The following MEX3B variants were observed in gnomAD, a reference collection of about 807,000 sequenced individuals.
The protein encoded by MEX3B is RNA-binding protein MEX3B.
A neutral mutation model predicts 12.2 loss-of-function variants in MEX3B; 10 were observed. That is an observed-to-expected ratio of 0.82 (90% CI 0.51 to 1.40). The LOEUF (loss-of-function observed/expected upper bound fraction) is 1.40. MEX3B is among the 40% of genes most tolerant of loss of function. The pLI is 0.00. For synonymous variants in MEX3B, 498 were observed against 356.3 expected, an observed-to-expected ratio of 1.40 and a Z score of -4.48; for missense variants, 839 against 801.4, an observed-to-expected ratio of 1.05 and a Z score of -0.57.
rs1185388924 is a variant in MEX3B, at chr15:82,044,686, G to A, written c.257-73C>T. On this transcript the variant is annotated intron_variant, in intron 1 of 1. Coordinates refer to ENST00000329713, the MANE Select transcript of MEX3B (RefSeq NM_032246.6). This position sits in a 1 kb window ranked among gnomAD's most constrained non-coding sequence, Gnocchi z 5.3. Reference sequence around the variant, plus strand: ...GCCCATTATCCTGGGGTAACCGCGGGGACCGGGGACAGCCCGCGTCCAGGA... The same window carrying A: ...GCCCATTATCCTGGGGTAACCGCGGAGACCGGGGACAGCCCGCGTCCAGGA... 3.4e-6 allele frequency: 5 copies of A among 1,478,446 alleles called. No individual in the cohort carries two copies. The African/African-American group carries it at 5.5e-5, about 16-fold the overall frequency. 91.6% of individuals were successfully genotyped at this position (1,478,446 alleles called of 1,614,324 possible). A position where few individuals can be genotyped will look rare whatever the true frequency, so the allele number is the denominator to read the frequency against.
rs1035963037 is a variant in MEX3B, at chr15:82,043,280, C to G, written c.1590G>C (p.Leu530=). 2.5e-6 allele frequency: 4 copies of G among 1,612,084 alleles called. No homozygotes were observed. Among genetic ancestry groups the G allele is most frequent in the South Asian group, 1.1e-5 (1 of 90,880 alleles). Reference sequence around the variant, plus strand: ...AGAAGAGGTTGTGGCCACAGGGCACCAGCGCGGCAATCACTTCGCTCTCGA... The same window carrying G: ...AGAAGAGGTTGTGGCCACAGGGCACGAGCGCGGCAATCACTTCGCTCTCGA... ...VCFESEVIAA[L]VPCGHNLFCM... is the part of the protein sequence containing the mutation. The change falls in exon 2 of 2, where the codon CTG becomes CTC. Residue 530 remains leucine (L), a synonymous_variant. Transcript: ENST00000329713.
rs2073241709 is a variant in MEX3B at position 82,044,207 on chromosome 15, A to C, written c.663T>G (p.Ile221Met). Residue 221 changes from isoleucine to methionine, a missense_variant, in exon 2 of 2, where the codon ATT becomes ATG. Physicochemically the swap from Ile to Met is conservative, Grantham distance 10. This residue lies in a region of MEX3B where 573 missense variants were observed against 488.9 expected (regional missense o/e 1.17). Coordinates refer to ENST00000329713, the MANE Select transcript of MEX3B (RefSeq NM_032246.6). This position sits in a 1 kb window ranked among gnomAD's most constrained non-coding sequence, Gnocchi z 5.3. ...PENVDRAREE[I>M]EAHIALRTGG... ...CGGTACGCAGAGCAATGTGCGCCTC[A>C]ATCTCCTCTCGAGCGCGATCCACGT... 6.2e-7 allele frequency: 1 copy of C among 1,614,050 alleles called. No homozygotes were observed. Among genetic ancestry groups the C allele is most frequent in the Non-Finnish European group, 8.5e-7 (1 of 1,180,032 alleles).
chr15:82,044,258 C>T lies in MEX3B; in HGVS notation c.612G>A (p.Val204=). 6.2e-7 allele frequency: 1 copy of T among 1,614,006 alleles called. No individual in the cohort carries two copies. Among genetic ancestry groups the T allele is most frequent in the South Asian group, 1.1e-5 (1 of 91,080 alleles). Residue 204 remains valine, a synonymous_variant, in exon 2 of 2, where the codon GTG becomes GTA. Transcript: ENST00000329713. This position sits in a 1 kb window ranked among gnomAD's most constrained non-coding sequence, Gnocchi z 5.3. Reference sequence around the variant, plus strand: ...TCTCTGGCATGCCGGTCACCTCGAACACCGGCTCCTTATCCCGGCTGGGCG... The same window carrying T: ...TCTCTGGCATGCCGGTCACCTCGAATACCGGCTCCTTATCCCGGCTGGGCG... ...IVTPSRDKEP[V]FEVTGMPENV...
rs1477856635 is a variant in MEX3B, at chr15:82,045,672, T to C, written c.34A>G (p.Asn12Asp). The change falls in exon 1 of 2, where the codon AAC (asparagine) becomes GAC (aspartate). Residue 12 changes from asparagine to aspartate, a missense_variant. Physicochemically the swap from Asn to Asp is conservative, Grantham distance 23. This residue lies in a region of MEX3B where 214 missense variants were observed against 223.8 expected (regional missense o/e 0.96). Coordinates refer to ENST00000329713, the MANE Select transcript of MEX3B (RefSeq NM_032246.6). Reference protein sequence around the residue: ...PSSLFADLERNGSGGGGGGSS... With the variant: ...PSSLFADLERDGSGGGGGGSS... The stretch of plus-strand genomic sequence containing the variant: ...CCGCCGCCGCCGCCGCCGCTGCCGT[T>C]GCGCTCCAGGTCTGCGAACAGCGAG... 2 of 1,550,610 alleles carry C rather than the reference T, an allele frequency of 1.3e-6. No individual in the cohort carries two copies. Among genetic ancestry groups the C allele is most frequent in the African/African-American group, 1.4e-5 (1 of 73,598 alleles).
In MEX3B at chr15:82,045,763, G is replaced by A. The variant is rs2073254753; in HGVS notation, c.-58C>T. ...CCTCGGCTCGGCGGCGAGAAGCTGC[G>A]GCCACAAAGGCAGCCGGGAAGCGGG... On this transcript the variant is annotated 5_prime_UTR_variant, in exon 1 of 2. Transcript: ENST00000329713. The A allele has an allele frequency of 1.4e-5, 18 of 1,312,340 alleles. No homozygotes were observed. Among genetic ancestry groups the A allele is most frequent in the Non-Finnish European group, 1.6e-5 (17 of 1,039,080 alleles). 81.3% of individuals were successfully genotyped at this position (1,312,340 alleles called of 1,614,324 possible). A position where few individuals can be genotyped will look rare whatever the true frequency, so the allele number is the denominator to read the frequency against.
intron 1 of MEX3B, chr15:82,045,161 A>C (rs2073248780): frequency 3.3e-6 from 2 of 612,738 alleles, no homozygotes; most frequent in African/African-American, 3.7e-5. Flanking sequence ...TCCCCCAAGC[A>C]TCTTACATTT....
chr15:82,043,432 C>T lies in MEX3B; in HGVS notation c.1438G>A (p.Ala480Thr), dbSNP rs760064352. ...AYAAYANGLG[A>T]QLPGLQPSDT... The stretch of plus-strand genomic sequence containing the variant: ...GACGGCTGCAAGCCAGGCAGCTGTG[C>T]CCCCAGCCCGTTGGCATAAGCGGCG... Residue 480 changes from alanine (A) to threonine (T), a missense_variant, in exon 2 of 2, where the codon GCA becomes ACA. By Grantham distance (58) the Ala-to-Thr change is moderately conservative. This residue lies in a region of MEX3B where 573 missense variants were observed against 488.9 expected (regional missense o/e 1.17). Coordinates refer to ENST00000329713, the MANE Select transcript of MEX3B (RefSeq NM_032246.6). The T allele has an allele frequency of 2.6e-6, 4 of 1,564,780 alleles. No homozygotes were observed. The South Asian group carries it at 3.5e-5, about 14-fold the overall frequency.
chr15:82,043,684 A>T lies in MEX3B; in HGVS notation c.1186T>A (p.Cys396Ser). The T allele has an allele frequency of 6.2e-7, 1 of 1,607,958 alleles. No homozygotes were observed. Among genetic ancestry groups the T allele is most frequent in the South Asian group, 1.1e-5 (1 of 90,250 alleles). The change falls in exon 2 of 2, where the codon TGC (cysteine) becomes AGC (serine). Residue 396 changes from cysteine (C) to serine (S), a missense_variant. This residue lies in a region of MEX3B where 573 missense variants were observed against 488.9 expected (regional missense o/e 1.17). Transcript: ENST00000329713. ...GGPAAPVSSSCSSSASSSASS... is the reference protein window; with the variant it reads ...GGPAAPVSSSSSSSASSSASS... ...GCAGACGAAGATGCAGAAGAAGAGCAGGAAGAAGATACCGGAGCTGCAGGT... is the reference window on the plus strand; with the variant it reads ...GCAGACGAAGATGCAGAAGAAGAGCTGGAAGAAGATACCGGAGCTGCAGGT...
At position 82,043,873 on chromosome 15, in the gene MEX3B, T is replaced by C. The variant is rs961515550; in HGVS notation, c.997A>G (p.Asn333Asp). Residue 333 changes from asparagine (N) to aspartate (D), a missense_variant, in exon 2 of 2, where the codon AAT becomes GAT. By Grantham distance (23) the Asn-to-Asp change is conservative (BLOSUM62 1). Coordinates refer to ENST00000329713, the MANE Select transcript of MEX3B (RefSeq NM_032246.6). ...PALSFAHNGN[N>D]NNNGNGYTYT... The stretch of plus-strand genomic sequence containing the variant: ...GTGTACCCATTGCCGTTATTGTTAT[T>C]GTTTCCGTTGTGCGCAAAGCTCAGG... 14 of 1,589,146 alleles carry C rather than the reference T, an allele frequency of 8.8e-6. No homozygotes were observed. Among genetic ancestry groups the C allele is most frequent in the Non-Finnish European group, 9.4e-6 (11 of 1,168,650 alleles).
Position 82,045,504 on chromosome 15 carries a change from C to T in MEX3B, c.202G>A (p.Glu68Lys). The T allele has an allele frequency of 6.2e-7, 1 of 1,612,772 alleles. No individual in the cohort carries two copies. The highest frequency in any genetic ancestry group is 8.5e-7 in the Non-Finnish European group (1 of 1,179,868). The change falls in exon 1 of 2, where the codon GAG (glutamate) becomes AAG (lysine). Residue 68 changes from glutamate to lysine, a missense_variant. Physicochemically the swap from Glu to Lys is moderately conservative, Grantham distance 56. Coordinates refer to ENST00000329713, the MANE Select transcript of MEX3B (RefSeq NM_032246.6). ...EPRKKSVNMT[E>K]CVPVPSSEHV... is the part of the protein sequence containing the mutation. ...TCAGAACTGGGTACTGGCACGCACT[C>T]GGTCATGTTCACGCTCTTCTTGCGC...
Position 82,043,676 on chromosome 15 carries a change from A to G in MEX3B, c.1194T>C (p.Ser398=). The change falls in exon 2 of 2, where the codon TCT becomes TCC. Residue 398 remains serine, a synonymous_variant. Coordinates refer to ENST00000329713, the MANE Select transcript of MEX3B (RefSeq NM_032246.6). ...PAAPVSSSCS[S]SASSSASSSS... is the part of the protein sequence containing the mutation. Reference sequence around the variant, plus strand: ...AGGAAGAAGCAGACGAAGATGCAGAAGAAGAGCAGGAAGAAGATACCGGAG... The same window carrying G: ...AGGAAGAAGCAGACGAAGATGCAGAGGAAGAGCAGGAAGAAGATACCGGAG... 1.9e-6 allele frequency: 3 copies of G among 1,609,926 alleles called. No individual in the cohort carries two copies. Among genetic ancestry groups the G allele is most frequent in the Non-Finnish European group, 2.5e-6 (3 of 1,178,056 alleles).
Position 82,044,212 on chromosome 15 carries a change from C to T in MEX3B, c.658G>A (p.Glu220Lys), listed in dbSNP as rs1466604121. 6.2e-7 allele frequency: 1 copy of T among 1,613,996 alleles called. No homozygotes were observed. Among genetic ancestry groups the T allele is most frequent in the Non-Finnish European group, 8.5e-7 (1 of 1,180,042 alleles). ...CGCAGAGCAATGTGCGCCTCAATCT[C>T]CTCTCGAGCGCGATCCACGTTCTCT... ...MPENVDRAREEIEAHIALRTG... is the reference protein window; with the variant it reads ...MPENVDRAREKIEAHIALRTG... The change falls in exon 2 of 2, where the codon GAG becomes AAG. Residue 220 changes from glutamate (E) to lysine (K), a missense_variant. Glu to Lys is a moderately conservative substitution (Grantham distance 56, BLOSUM62 1). Coordinates refer to ENST00000329713, the MANE Select transcript of MEX3B (RefSeq NM_032246.6). This position sits in a 1 kb window ranked among gnomAD's most constrained non-coding sequence, Gnocchi z 5.3.
Position 82,043,887 on chromosome 15 carries a change from G to C in MEX3B, c.983C>G (p.Ala328Gly). ...YSPPSPALSF[A>G]HNGNNNNNGN... ...GTTATTGTTATTGTTTCCGTTGTGC[G>C]CAAAGCTCAGGGCGGGGCTAGGGGG... The change falls in exon 2 of 2, where the codon GCG (alanine) becomes GGG (glycine). Residue 328 changes from alanine to glycine, a missense_variant. Around this residue, in one of 3 missense-constraint regions of MEX3B, gnomAD observed 573 missense variants for 488.9 expected, o/e 1.17. Transcript: ENST00000329713. 6.3e-7 allele frequency: 1 copy of C among 1,589,342 alleles called. No homozygotes were observed. Among genetic ancestry groups the C allele is most frequent in the Non-Finnish European group, 8.5e-7 (1 of 1,169,802 alleles).
Position 82,043,559 on chromosome 15 carries a change from G to C in MEX3B, c.1311C>G (p.Ser437Arg), listed in dbSNP as rs1362608419. 2 of 1,543,756 alleles carry C rather than the reference G, an allele frequency of 1.3e-6. No individual in the cohort carries two copies. The highest frequency in any genetic ancestry group is 1.2e-5 in the South Asian group (1 of 81,202). The change falls in exon 2 of 2, where the codon AGC (serine) becomes AGG (arginine). Residue 437 changes from serine (S) to arginine (R), a missense_variant. This residue lies in a region of MEX3B where 573 missense variants were observed against 488.9 expected (regional missense o/e 1.17). Coordinates refer to ENST00000329713, the MANE Select transcript of MEX3B (RefSeq NM_032246.6). Reference sequence around the variant, plus strand: ...GCAAGGGTGGAGACAGGCGCGGGCAGCTGGTGCCAGGGTGCAGCCGGCGGT... The same window carrying C: ...GCAAGGGTGGAGACAGGCGCGGGCACCTGGTGCCAGGGTGCAGCCGGCGGT... ...LVHRRLHPGT[S>R]CPRLSPPLHM...
Position 82,042,638 on chromosome 15 carries a change from T to G in MEX3B, c.*522A>C, listed in dbSNP as rs1249072932. 6.5e-6 allele frequency: 1 copy of G among 152,694 alleles called. No homozygotes were observed. The highest frequency in any genetic ancestry group is 1.5e-5 in the Non-Finnish European group (1 of 68,072). The allele number at this position is 152,694 out of a possible 1,614,324, so 9.5% of individuals were successfully genotyped here. On this transcript the variant is annotated 3_prime_UTR_variant, in exon 2 of 2. Transcript: ENST00000329713. Reference sequence around the variant, plus strand: ...CTGGTTTCACAGGAACTCCTGGCCCTTCCACGAACATTCAAAAAGGATCCA... The same window carrying G: ...CTGGTTTCACAGGAACTCCTGGCCCGTCCACGAACATTCAAAAAGGATCCA...
intron 1 of MEX3B, chr15:82,045,234 A>C (rs1330312753): frequency 1.5e-5 from 10 of 672,222 alleles, no homozygotes; most frequent in Admixed American, 4.4e-5. Flanking sequence ...TGATTTTAGC[A>C]GAAGAAAGTG....
At position 82,045,696 on chromosome 15, in the gene MEX3B, A is replaced by C. The variant is rs1184566857; in HGVS notation, c.10T>G (p.Ser4Ala). ...TTGCGCTCCAGGTCTGCGAACAGCG[A>C]GCTGGGCATCGCTCGGCCGTGCGCG... MPS[S>A]LFADLERNGS... The change falls in exon 1 of 2, where the codon TCG (serine) becomes GCG (alanine). Residue 4 changes from serine (S) to alanine (A), a missense_variant. This residue lies in a region of MEX3B where 214 missense variants were observed against 223.8 expected (regional missense o/e 0.96). Transcript: ENST00000329713. 1 of 1,514,584 alleles carries C rather than the reference A, an allele frequency of 6.6e-7. No homozygotes were observed. Among genetic ancestry groups the C allele is most frequent in the Non-Finnish European group, 8.8e-7 (1 of 1,134,130 alleles). The allele number at this position is 1,514,584 out of a possible 1,614,324, so 93.8% of individuals were successfully genotyped here. A position where few individuals can be genotyped will look rare whatever the true frequency, so the allele number is the denominator to read the frequency against.
rs2073256752 is a variant in MEX3B at position 82,045,993 on chromosome 15, G to C, written c.-288C>G. On this transcript the variant is annotated 5_prime_UTR_variant, in exon 1 of 2. Transcript: ENST00000329713. Reference sequence around the variant, plus strand: ...CGCGTGCCCCCCGAGTGCCCGGCTGGCTGGCCGCAATGCCGAGCGAAAAGC... The same window carrying C: ...CGCGTGCCCCCCGAGTGCCCGGCTGCCTGGCCGCAATGCCGAGCGAAAAGC... 1 of 356,240 alleles carries C rather than the reference G, an allele frequency of 2.8e-6. No individual in the cohort carries two copies. The highest frequency in any genetic ancestry group is 4.7e-5 in the Admixed American group (1 of 21,110). 22.1% of individuals were successfully genotyped at this position (356,240 alleles called of 1,614,324 possible). A position where few individuals can be genotyped will look rare whatever the true frequency, so the allele number is the denominator to read the frequency against.
chr15:82,044,528 C>T lies in MEX3B; in HGVS notation c.342G>A (p.Thr114=), dbSNP rs776844713. 2 of 1,614,166 alleles carry T rather than the reference C, an allele frequency of 1.2e-6. No individual in the cohort carries two copies. Among genetic ancestry groups the T allele is most frequent in the Non-Finnish European group, 1.7e-6 (2 of 1,180,022 alleles). ...CCATGGCCACATCCTCCTTCCTGCC[C>T]GTCACAACAAAGACAGGCTCCTCCC... is the stretch of plus-strand genomic sequence containing the variant. The part of the protein sequence containing the change: ...VRGEEPVFVV[T]GRKEDVAMAR... The change falls in exon 2 of 2, where the codon ACG becomes ACA. Residue 114 remains threonine, a synonymous_variant. Coordinates refer to ENST00000329713, the MANE Select transcript of MEX3B (RefSeq NM_032246.6). This position sits in a 1 kb window ranked among gnomAD's most constrained non-coding sequence, Gnocchi z 5.3.
Sources: allele counts gnomAD v4.1 joint callset, GRCh38; gene constraint gnomAD v4.1.1; regional missense constraint gnomAD v4.1.1; non-coding constraint Gnocchi (gnomAD v3.1); transcripts MANE v1.5; gene names NCBI Gene and HGNC (gene_info 2026-07-23, HGNC 2026-07-21).